PTPRF: variants seen among roughly 807,000 people sequenced by gnomAD.
The protein encoded by PTPRF is protein tyrosine phosphatase receptor type F, also known as receptor-type tyrosine-protein phosphatase F.
In PTPRF, 59 loss-of-function variants were observed where a neutral mutation model predicts 201.8. That is an observed-to-expected ratio of 0.29 (90% CI 0.24 to 0.36). The LOEUF (loss-of-function observed/expected upper bound fraction) is 0.36. PTPRF is among the 10% of genes least tolerant of loss of function. The probability of loss-of-function intolerance (pLI) is 1.00; values close to 1 mark genes in which losing one functional copy is unlikely to be tolerated. For synonymous variants in PTPRF, 1,088 were observed against 1,089.7 expected, an observed-to-expected ratio of 1.00 and a Z score of 0.03; for missense variants, 2,132 against 2,690.5, an observed-to-expected ratio of 0.79 and a Z score of 4.59.
At position 43,619,497 on chromosome 1, in the gene PTPRF, A is replaced by G. The variant is rs1330495069; in HGVS notation, c.4856A>G (p.Asn1619Ser). The part of the protein sequence containing the change: ...TCGHTEVPAR[N>S]LYAHIQKLGQ... ...GGCCACACAGAGGTGCCTGCCCGCAACCTGTATGCCCACATCCAGAAGCTG... is the reference window on the plus strand; with the variant it reads ...GGCCACACAGAGGTGCCTGCCCGCAGCCTGTATGCCCACATCCAGAAGCTG... Residue 1619 changes from asparagine to serine, a missense_variant, in exon 28 of 34, where the codon AAC becomes AGC. Physicochemically the swap from Asn to Ser is conservative, Grantham distance 46. Transcript: ENST00000359947. 3.7e-6 allele frequency: 6 copies of G among 1,613,882 alleles called. No individual in the cohort carries two copies. The South Asian group carries it at 4.4e-5, about 12-fold the overall frequency.
intron 7 of PTPRF, among the ~76,000 whole-genome samples, chr1:43,587,002 T>C (rs11210876): frequency 0.26 from 39,562 of 152,156 alleles, 6,097 homozygotes; most frequent in East Asian, 0.48. Context: ...GTCTACAAGA[T>C]ACTCTCATGC....
intron 5 of PTPRF, among the ~76,000 whole-genome samples, chr1:43,562,881 A>G (rs545854116): frequency 1.3e-5 from 2 of 152,146 alleles, no homozygotes; most frequent in South Asian, 4.2e-4. Flanking sequence ...GCAGATCACT[A>G]GAAGGTTAGA....
chr1:43,575,884 T>G (rs1231686689), intron 6 of PTPRF: 9 of 1,358,176 alleles, frequency 6.6e-6, no homozygotes, highest in Non-Finnish European at 7.9e-6. Flanking sequence ...TCTCTGATCT[T>G]ATTTGCATTC....
chr1:43,585,449 C>G (rs1043022435), intron 7 of PTPRF, among the ~76,000 whole-genome samples: 1 of 152,128 alleles, frequency 6.6e-6, no homozygotes, highest in African/African-American at 2.4e-5. Flanking sequence ...GCCCAGTGTC[C>G]TTGTGAGAGT....
In PTPRF at chr1:43,622,141, C is replaced by G; in HGVS notation, c.*138C>G. ...AGAGCACAGCCCACGGGGATCACAG[C>G]GTTTCAGGAACGTTGCCACACCAAT... On this transcript the variant is annotated 3_prime_UTR_variant, in exon 34 of 34. Coordinates refer to ENST00000359947, the MANE Select transcript of PTPRF (RefSeq NM_002840.5). 1 of 899,576 alleles carries G rather than the reference C, an allele frequency of 1.1e-6. No homozygotes were observed. Among genetic ancestry groups the G allele is most frequent in the Non-Finnish European group, 1.7e-6 (1 of 576,282 alleles). The allele number at this position is 899,576 out of a possible 1,614,324, so 55.7% of individuals were successfully genotyped here. A position where few individuals can be genotyped will look rare whatever the true frequency, so the allele number is the denominator to read the frequency against.
chr1:43,607,032 G>T, intron 21 of PTPRF, 64 bp downstream of exon 21: 2 of 1,583,266 alleles, frequency 1.3e-6, no homozygotes, highest in Non-Finnish European at 1.7e-6. Flanking sequence ...GCCCTCTCCG[G>T]GTGTGGTGCC....
At chr1:43,617,996 C>A in intron 25 of PTPRF, 85 bp downstream of exon 25, 1 of 1,409,638 alleles carries the variant, frequency 7.1e-7, no homozygotes, top group African/African-American at 1.4e-5. Context: ...GTGCCGCTTT[C>A]TTCTGTGGAG....
In PTPRF at chr1:43,591,383, A is replaced by C. The variant is rs1650679550; in HGVS notation, c.1361A>C (p.Asp454Ala). Residue 454 changes from aspartate (D) to alanine (A), a missense_variant, in exon 9 of 34, where the codon GAC becomes GCC. This residue lies in a region of PTPRF where 351 missense variants were observed against 401.7 expected (regional missense o/e 0.87). Coordinates refer to ENST00000359947, the MANE Select transcript of PTPRF (RefSeq NM_002840.5). ...VRGYRVYYTP[D>A]SRRPPNAWHK... Reference sequence around the variant, plus strand: ...GGATACCGCGTCTACTATACTCCGGACTCCCGCCGCCCCCCGAACGCCTGG... The same window carrying C: ...GGATACCGCGTCTACTATACTCCGGCCTCCCGCCGCCCCCCGAACGCCTGG... 1 of 1,557,638 alleles carries C rather than the reference A, an allele frequency of 6.4e-7. No individual in the cohort carries two copies. The highest frequency in any genetic ancestry group is 8.7e-7 in the Non-Finnish European group (1 of 1,152,610).
chr1:43,600,459 C>T lies in PTPRF; in HGVS notation c.2313+1546C>T, dbSNP rs192744810. Among the ~76,000 whole-genome samples the T allele has an allele frequency of 7.0e-3, 1,070 of 152,226 alleles. 32 individuals are homozygous for T. The highest frequency in any genetic ancestry group is 0.025 in the African/African-American group (1,032 of 41,494). On this transcript the variant is annotated intron_variant, in intron 13 of 33. Transcript: ENST00000359947. ...GGACACTGAAGATGGAGGCCTGCTC[C>T]GTAGCCCTCTCAGGACTGGGTCATT... is the stretch of plus-strand genomic sequence containing the variant.
intron 22 of PTPRF, among the ~76,000 whole-genome samples, chr1:43,610,869 A>G (rs988073687): frequency 6.6e-6 from 1 of 152,220 alleles, no homozygotes; most frequent in African/African-American, 2.4e-5. Flanking sequence ...CATCTCAAAA[A>G]TAAACAAATA....
intron 11 of PTPRF, among the ~76,000 whole-genome samples, chr1:43,594,624 T>C (rs1235355835): frequency 6.6e-6 from 1 of 152,006 alleles, no homozygotes; most frequent in Non-Finnish European, 1.5e-5. Context: ...CTGAGAACTG[T>C]CAGGGATGCT....
At position 43,595,504 on chromosome 1, in the gene PTPRF, GCCA is replaced by G. The variant is rs569039524; in HGVS notation, c.1814-2241_1814-2239del. ...CAAGGTGCTGGGATTACAGGCGTGA[GCCA>G]CCGCGCCCGGCCTGGGATTTTTCTT... On this transcript the variant is annotated intron_variant, in intron 11 of 33. Transcript: ENST00000359947. Among the ~76,000 whole-genome samples, 563 of 152,332 alleles carry G rather than the reference GCCA, an allele frequency of 3.7e-3. 1 individual carries two copies. Among genetic ancestry groups the G allele is most frequent in the Non-Finnish European group, 6.1e-3 (413 of 68,036 alleles).
chr1:43,581,932 G>A (rs1647765543), intron 7 of PTPRF, among the ~76,000 whole-genome samples: 1 of 152,300 alleles, frequency 6.6e-6, no homozygotes, highest in South Asian at 2.1e-4. Flanking sequence ...GTGTTTAGCA[G>A]CATCTCTAGC....
rs80209518 is a variant in PTPRF, at chr1:43,566,746, C to T, written c.380-2844C>T. Among the ~76,000 whole-genome samples the T allele has an allele frequency of 4.6e-3, 707 of 152,294 alleles. 31 individuals are homozygous for T. In the East Asian group the frequency reaches 0.096, roughly 21 times the overall value. ...GAGCCCTCCTGTAAGACCCACTTCC[C>T]TTCCCGGGTGGCAGAGTGGCAGACT... is the stretch of plus-strand genomic sequence containing the variant. On this transcript the variant is annotated intron_variant, in intron 5 of 33. Transcript: ENST00000359947.
intron 7 of PTPRF, among the ~76,000 whole-genome samples, chr1:43,581,618 G>GT (rs931748090): frequency 6.6e-6 from 1 of 152,226 alleles, no homozygotes; most frequent in African/African-American, 2.4e-5. Flanking sequence ...GCCCTCAGCA[G>GT]TACTAGGGGC....
At chr1:43,614,746 G>C (rs980132204) in intron 23 of PTPRF, among the ~76,000 whole-genome samples, 1 of 152,180 alleles carries the variant, frequency 6.6e-6, no homozygotes, top group African/African-American at 2.4e-5. Context: ...AGCTATTTGT[G>C]AGGGCTGAGG....
intron 5 of PTPRF, among the ~76,000 whole-genome samples, chr1:43,558,766 G>A (rs1403275242): frequency 6.6e-6 from 1 of 152,174 alleles, no homozygotes; most frequent in Non-Finnish European, 1.5e-5. Flanking sequence ...CCTGGGGGAG[G>A]GGAGGGAGGC....
In PTPRF at chr1:43,591,900, C is replaced by G. The variant is rs370784590; in HGVS notation, c.1620C>G (p.Ile540Met). 3 of 1,613,450 alleles carry G rather than the reference C, an allele frequency of 1.9e-6. No homozygotes were observed. In the African/African-American group the frequency reaches 4.0e-5, roughly 22 times the overall value. Residue 540 changes from isoleucine (I) to methionine (M), a missense_variant, in exon 10 of 34, where the codon ATC (isoleucine) becomes ATG (methionine). Around this residue, in one of 6 missense-constraint regions of PTPRF, gnomAD observed 351 missense variants for 401.7 expected, o/e 0.87. Transcript: ENST00000359947. ...GGCTGCTGCCCCCTCAGGAGCGGAT[C>G]ATCATGTATGAACTGGTGTACTGGG... is the stretch of plus-strand genomic sequence containing the variant. ...LSWLLPPQER[I>M]IMYELVYWAA...
rs1216515243 is a variant in PTPRF at position 43,545,055 on chromosome 1, G to C, written c.-21G>C. ...GGTTGATTGTCCTGGGCTGTGGCTG[G>C]CTGTGGAGCTAGAGCCCTGGATGGC... On this transcript the variant is annotated 5_prime_UTR_variant, in exon 3 of 34. Coordinates refer to ENST00000359947, the MANE Select transcript of PTPRF (RefSeq NM_002840.5). The C allele has an allele frequency of 1.3e-6, 2 of 1,554,796 alleles. No individual in the cohort carries two copies. The highest frequency in any genetic ancestry group is 1.7e-6 in the Non-Finnish European group (2 of 1,147,942).
Sources: gnomAD v4.1 joint callset for allele counts (sites outside exome capture counted in the v4.1 genomes callset) on GRCh38, gnomAD v4.1.1 for gene constraint, gnomAD v4.1.1 regional missense constraint, MANE v1.5 for transcripts, NCBI Gene and HGNC (gene_info 2026-07-23, HGNC 2026-07-21) for gene names.